PEBP4: variants seen among roughly 807,000 people sequenced by gnomAD.
PEBP4 encodes phosphatidylethanolamine binding protein 4.
A neutral mutation model predicts 23.9 loss-of-function variants in PEBP4; 22 were observed. The ratio of observed to expected loss-of-function variants is 0.92; its 90% CI spans 0.66 to 1.31. The LOEUF is 1.31. Among genes scored for constraint, PEBP4 ranks in the 40% most tolerant of loss-of-function variants. The probability of loss-of-function intolerance (pLI) is 0.00; values close to 1 mark genes in which losing one functional copy is unlikely to be tolerated. For missense variants in PEBP4, 324 were observed against 281.7 expected (o/e 1.15, Z -1.07); for synonymous variants, 112 against 99.3 (o/e 1.13, Z -0.76).
At chr8:22,728,563 C>CTTTCTTTCTTT (rs1554478841) in intron 4 of PEBP4, among the ~76,000 whole-genome samples, 49 of 69,300 alleles carry the variant, frequency 7.1e-4, no homozygotes, top group South Asian at 2.4e-3. Context: ...TTTCTTTCTT[C>CTTTCTTTCTTT]CTTCCTTCCT....
chr8:22,904,884 C>T (rs148751690), intron 3 of PEBP4, among the ~76,000 whole-genome samples: 1,988 of 152,216 alleles, frequency 0.013, 53 homozygotes, highest in African/African-American at 0.045. Flanking sequence ...TATTGTTGAA[C>T]ATTTAAGACG....
At chr8:22,895,927 A>G (rs1020456399) in intron 3 of PEBP4, 7 of 152,188 alleles carry the variant, frequency 4.6e-5, no homozygotes, top group African/African-American at 1.2e-4. Flanking sequence ...CCTGCTTCCC[A>G]TGGGCAGGTT....
At chr8:22,866,428 G>A (rs1054232775) in intron 3 of PEBP4, among the ~76,000 whole-genome samples, 3 of 152,214 alleles carry the variant, frequency 2.0e-5, no homozygotes, top group African/African-American at 7.2e-5. Flanking sequence ...AGTCCGGTGA[G>A]AAAGAGAGAA....
intron 3 of PEBP4, among the ~76,000 whole-genome samples, chr8:22,850,960 C>G (rs1807538487): frequency 6.6e-6 from 1 of 152,034 alleles, no homozygotes; most frequent in Non-Finnish European, 1.5e-5. Flanking sequence ...AGAAAACAGA[C>G]TCAGAAAGCA....
chr8:22,796,313 T>C (rs1261733011), intron 4 of PEBP4, among the ~76,000 whole-genome samples: 2 of 151,832 alleles, frequency 1.3e-5, no homozygotes, highest in Non-Finnish European at 2.9e-5. Context: ...TGTAATTCAT[T>C]TCCCCACTGG....
chr8:22,932,899 G>T (rs904008779), upstream of PEBP4, among the ~76,000 whole-genome samples: 2 of 151,594 alleles, frequency 1.3e-5, no homozygotes, highest in African/African-American at 4.9e-5. Context: ...CAGCTATTTG[G>T]GAGGCTAAGG....
chr8:22,805,078 A>G (rs942002625), intron 4 of PEBP4, among the ~76,000 whole-genome samples: 15 of 152,028 alleles, frequency 9.9e-5, no homozygotes, highest in African/African-American at 3.6e-4. Context: ...GGAGTCATTG[A>G]TTTTTCTCCT....
intron 2 of PEBP4, among the ~76,000 whole-genome samples, chr8:22,922,894 A>G (rs182084968): frequency 2.0e-5 from 3 of 152,326 alleles, no homozygotes. Flanking sequence ...AGTGGAGTGA[A>G]AAGATCAGGG....
chr8:22,788,445 CT>C (rs2128756456), intron 4 of PEBP4, among the ~76,000 whole-genome samples: 1 of 152,290 alleles, frequency 6.6e-6, no homozygotes, highest in East Asian at 1.9e-4. Context: ...CCTAGAAGCC[CT>C]GAGTTATGGC....
chr8:22,794,625 C>T (rs747414080), intron 4 of PEBP4, among the ~76,000 whole-genome samples: 14 of 152,176 alleles, frequency 9.2e-5, no homozygotes, highest in Non-Finnish European at 1.9e-4. Context: ...AAGTGCGTTA[C>T]GTGTTAAAGA....
chr8:22,743,299 T>A (rs368401252), intron 4 of PEBP4, among the ~76,000 whole-genome samples: 1 of 151,572 alleles, frequency 6.6e-6, no homozygotes, highest in East Asian at 1.9e-4. Context: ...AGAGCTCCCT[T>A]TGGGGGAGAA....
chr8:22,805,151 A>G (rs4872028), intron 4 of PEBP4, among the ~76,000 whole-genome samples: 37,485 of 152,110 alleles, frequency 0.25, 5,078 homozygotes, highest in East Asian at 0.38. Flanking sequence ...ACAGGTCAGC[A>G]CGGAGGACTT....
In PEBP4 at chr8:22,861,233, A is replaced by G. The variant is rs1394472204; in HGVS notation, c.259-43498T>C. ...TTATAAAAGAATTTCACTTTAGCCT[A>G]CTGAAGTCAGCAGAGGGAGAAGTGG... On this transcript the variant is annotated intron_variant, in intron 3 of 6. Transcript: ENST00000256404. 2.0e-5 allele frequency among the ~76,000 whole-genome samples: 3 copies of G among 152,162 alleles called. No homozygotes were observed. In the East Asian group the frequency reaches 5.8e-4, roughly 29 times the overall value.
intron 6 of PEBP4, among the ~76,000 whole-genome samples, chr8:22,715,414 G>T (rs939317515): frequency 5.7e-5 from 7 of 122,338 alleles, no homozygotes; most frequent in Non-Finnish European, 1.3e-4. Flanking sequence ...GTATGTGTGG[G>T]TGCACGTGTG....
At chr8:22,713,951 C>T (rs1224936009) in intron 6 of PEBP4, among the ~76,000 whole-genome samples, 1 of 152,364 alleles carries the variant, frequency 6.6e-6, no homozygotes, top group East Asian at 1.9e-4. Flanking sequence ...GAGGCTTCAC[C>T]CACTACTTTC....
chr8:22,778,927 G>A (rs1178122105), intron 4 of PEBP4, among the ~76,000 whole-genome samples: 1 of 152,182 alleles, frequency 6.6e-6, no homozygotes, highest in Admixed American at 6.5e-5. Flanking sequence ...TGTTGTCGGA[G>A]GCTGTCCTCG....
At chr8:22,859,493 A>G (rs890336026) in intron 3 of PEBP4, among the ~76,000 whole-genome samples, 12 of 152,180 alleles carry the variant, frequency 7.9e-5, no homozygotes, top group Non-Finnish European at 1.6e-4. Flanking sequence ...TCTCTGGCCC[A>G]GGTGAGATGA....
chr8:22,827,913 A>G (rs550433591), intron 3 of PEBP4, among the ~76,000 whole-genome samples: 1 of 152,306 alleles, frequency 6.6e-6, no homozygotes, highest in Admixed American at 6.5e-5. Context: ...GATTGTGGCC[A>G]TGCTAGTGGG....
intron 4 of PEBP4, among the ~76,000 whole-genome samples, chr8:22,776,997 G>A (rs981639737): frequency 4.6e-5 from 7 of 151,898 alleles, no homozygotes; most frequent in Admixed American, 2.0e-4. Flanking sequence ...GAAGGGCACC[G>A]ATCAGAATGG....
Sources: gnomAD v4.1 joint callset for allele counts (sites outside exome capture counted in the v4.1 genomes callset) on GRCh38, gnomAD v4.1.1 for gene constraint, MANE v1.5 for transcripts, NCBI Gene and HGNC (gene_info 2026-07-23, HGNC 2026-07-21) for gene names.